Variants in IL36G observed in about 807,000 individuals in gnomAD.
IL36G encodes interleukin 36 gamma, also known as interleukin-36 gamma.
In IL36G, 10 loss-of-function variants were observed where a neutral mutation model predicts 13.5. That is an observed-to-expected ratio of 0.74 (90% CI 0.46 to 1.26). IL36G has a LOEUF of 1.26. IL36G is among the 50% of genes most tolerant of loss of function. The probability of loss-of-function intolerance (pLI) is 0.00; values close to 1 mark genes in which losing one functional copy is unlikely to be tolerated. For synonymous variants in IL36G, 84 were observed against 74.0 expected, an observed-to-expected ratio of 1.13 and a Z score of -0.69; for missense variants, 199 against 203.0, an observed-to-expected ratio of 0.98 and a Z score of 0.12.
chr2:112,981,711 T>C (rs927815079), intron 4 of IL36G, among the ~76,000 whole-genome samples: 4 of 152,232 alleles, frequency 2.6e-5, no homozygotes, highest in Admixed American at 6.5e-5. Flanking sequence ...CATTGCTTTT[T>C]AAAATTTTGG....
intron 4 of IL36G, 43 bp from the exon 5 acceptor site, chr2:112,984,797 C>T (rs112318401): frequency 2.2e-5 from 33 of 1,481,748 alleles, no homozygotes; most frequent in African/African-American, 2.2e-4. Flanking sequence ...ATATCTCAAA[C>T]AGCTTCTGTT....
intron 4 of IL36G, chr2:112,981,222 T>C: frequency 7.4e-7 from 1 of 1,346,348 alleles, no homozygotes; most frequent in Non-Finnish European, 1.1e-6. Flanking sequence ...GCATCTCTAT[T>C]TTCTGCAGAG....
At chr2:112,979,108 C>G in intron 2 of IL36G, 113 bp from the exon 3 acceptor site, 1 of 676,026 alleles carries the variant, frequency 1.5e-6, no homozygotes, top group Non-Finnish European at 2.7e-6. Flanking sequence ...TTTGGGGATG[C>G]AAACCCCACA....
At chr2:112,983,085 T>C (rs1295426170) in intron 4 of IL36G, among the ~76,000 whole-genome samples, 1 of 152,076 alleles carries the variant, frequency 6.6e-6, no homozygotes, top group African/African-American at 2.4e-5. Context: ...CAAGTGCAGA[T>C]AGGACCTTTC....
intron 3 of IL36G, among the ~76,000 whole-genome samples, chr2:112,979,593 A>C (rs1573340614): frequency 6.6e-6 from 1 of 152,174 alleles, no homozygotes; most frequent in East Asian, 1.9e-4. Context: ...CTTGTTCTGC[A>C]TGACTTCAGG....
chr2:112,984,358 G>C (rs894112824), intron 4 of IL36G, among the ~76,000 whole-genome samples: 2 of 152,098 alleles, frequency 1.3e-5, no homozygotes, highest in African/African-American at 4.8e-5. Flanking sequence ...TGATTTGTTA[G>C]ACCCTCTTGG....
intron 4 of IL36G, chr2:112,981,334 A>G (rs1684257679): frequency 2.4e-6 from 2 of 833,776 alleles, no homozygotes; most frequent in Admixed American, 3.5e-5. Context: ...CTGGATTTGG[A>G]GGAGCAGGTT....
intron 4 of IL36G, among the ~76,000 whole-genome samples, chr2:112,982,408 G>A (rs1684279899): frequency 6.6e-6 from 1 of 152,222 alleles, no homozygotes; most frequent in Non-Finnish European, 1.5e-5. Context: ...ACTCAGCCTT[G>A]CAATCTGAGT....
In IL36G at chr2:112,985,032, T is replaced by C; in HGVS notation, c.493T>C (p.Leu165=). 6.2e-7 allele frequency: 1 copy of C among 1,613,462 alleles called. No homozygotes were observed. Among genetic ancestry groups the C allele is most frequent in the East Asian group, 2.2e-5 (1 of 44,890 alleles). The part of the protein sequence containing the change: ...LGKSYNTAFE[L]NIND The stretch of plus-strand genomic sequence containing the variant: ...GAAGTCATACAACACTGCCTTTGAA[T>C]TAAATATAAATGACTGAACTCAGCC... The change falls in exon 5 of 5, where the codon TTA becomes CTA. Residue 165 remains leucine, a synonymous_variant. Transcript: ENST00000259205.
intron 2 of IL36G, among the ~76,000 whole-genome samples, 163 bp downstream of exon 2, chr2:112,978,856 G>A (rs1275699661): frequency 1.3e-5 from 2 of 152,204 alleles, no homozygotes; most frequent in Non-Finnish European, 2.9e-5. Context: ...GAGGGTGGGA[G>A]CTATTGCTTA....
chr2:112,979,938 G>C, intron 3 of IL36G, 71 bp from the exon 4 acceptor site: 1 of 1,497,950 alleles, frequency 6.7e-7, no homozygotes, highest in Non-Finnish European at 9.2e-7. Context: ...TGAGGATACT[G>C]CCCTGCTAAA....
At chr2:112,984,488 G>T (rs936918931) in intron 4 of IL36G, among the ~76,000 whole-genome samples, 1 of 152,180 alleles carries the variant, frequency 6.6e-6, no homozygotes, top group African/African-American at 2.4e-5. Flanking sequence ...TCTCACTGTT[G>T]TGGTATTGGT....
intron 4 of IL36G, among the ~76,000 whole-genome samples, chr2:112,982,098 C>T (rs13392494): frequency 0.23 from 34,727 of 152,112 alleles, 5,325 homozygotes; most frequent in African/African-American, 0.43. Flanking sequence ...TAATAGTAGG[C>T]AAATTTGTGC....
chr2:112,979,865 G>GAATATA, intron 3 of IL36G, 144 bp from the exon 4 acceptor site: 1 of 544,362 alleles, frequency 1.8e-6, no homozygotes. Flanking sequence ...GAATGAATAT[G>GAATATA]GGGGTTGGCC....
rs558607407 is a variant in IL36G, at chr2:112,980,562, A to T, written c.300+414A>T. Among the ~76,000 whole-genome samples the T allele has an allele frequency of 6.6e-5, 10 of 152,362 alleles. No individual in the cohort carries two copies. The South Asian group carries it at 2.1e-3, about 32-fold the overall frequency. On this transcript the variant is annotated intron_variant, in intron 4 of 4. Transcript: ENST00000259205. ...CAGGGAGAGTTTAGAGTGAGAGTTG[A>T]CATTTCACATTTAGCATGTGGTTTA... is the stretch of plus-strand genomic sequence containing the variant.
chr2:112,978,719 G>T lies in IL36G; in HGVS notation c.55+26G>T, dbSNP rs28947206. 10,000 of 1,610,466 alleles carry T rather than the reference G, an allele frequency of 6.2e-3. 538 individuals are homozygous for T. In the African/African-American group the frequency reaches 0.12, roughly 19 times the overall value. On this transcript the variant is annotated intron_variant, in intron 2 of 4. Transcript: ENST00000259205. ...GTGAATCAAATGCTGTTGGGATGGG[G>T]CTCTGGAGGCTTAGGCCCTCTGCAC...
intron 3 of IL36G, 94 bp from the exon 4 acceptor site, chr2:112,979,915 T>C (rs1573340845): frequency 1.6e-6 from 2 of 1,278,178 alleles, no homozygotes; most frequent in East Asian, 4.6e-5. Flanking sequence ...TTCAGCTCTC[T>C]TCCAGATCCA....
intron 4 of IL36G, among the ~76,000 whole-genome samples, chr2:112,984,090 G>A (rs747094755): frequency 6.6e-6 from 1 of 152,220 alleles, no homozygotes; most frequent in Non-Finnish European, 1.5e-5. Flanking sequence ...CAGATTAACT[G>A]GAAGCCATTA....
intron 4 of IL36G, chr2:112,981,245 T>A: frequency 1.4e-6 from 2 of 1,405,208 alleles, no homozygotes; most frequent in Non-Finnish European, 2.0e-6. Context: ...ATTCCCCTCC[T>A]TGCCAGCATC....
Sources: gnomAD v4.1 joint callset for allele counts (sites outside exome capture counted in the v4.1 genomes callset) on GRCh38, gnomAD v4.1.1 for gene constraint, MANE v1.5 for transcripts, NCBI Gene and HGNC (gene_info 2026-07-23, HGNC 2026-07-21) for gene names.